PDCD11: variants seen among roughly 807,000 people sequenced by gnomAD.
PDCD11 encodes programmed cell death 11, also known as protein RRP5 homolog.
PDCD11 carries 97 observed loss-of-function variants against 198.9 expected under a neutral mutation model. The ratio of observed to expected loss-of-function variants is 0.49; its 90% CI spans 0.41 to 0.58. PDCD11 has a LOEUF of 0.58. Ranked by LOEUF, PDCD11 falls within the 20% of genes least tolerant of loss-of-function variation. The pLI, the probability that PDCD11 is intolerant of heterozygous loss-of-function variation, is 0.00. For synonymous variants in PDCD11, 893 were observed against 918.0 expected, an observed-to-expected ratio of 0.97 and a Z score of 0.49; for missense variants, 2,102 against 2,312.7, an observed-to-expected ratio of 0.91 and a Z score of 1.87.
At position 103,442,317 on chromosome 10, in the gene PDCD11, C is replaced by G. The variant is rs574049160; in HGVS notation, c.4812C>G (p.Ser1604=). The part of the protein sequence containing the change: ...ALMDPGRQPE[S]ADDFDRLVLS... ...TGGATCCTGGGCGGCAGCCAGAGTC[C>G]GCGGATGATTTTGACCGACTGGTGC... The change falls in exon 32 of 36, where the codon TCC becomes TCG. Residue 1604 remains serine (S), a synonymous_variant. Coordinates refer to ENST00000369797, the MANE Select transcript of PDCD11 (RefSeq NM_014976.2). 6.2e-7 allele frequency: 1 copy of G among 1,614,212 alleles called. No homozygotes were observed. Among genetic ancestry groups the G allele is most frequent in the Non-Finnish European group, 8.5e-7 (1 of 1,180,048 alleles).
At chr10:103,398,337 T>C in intron 1 of PDCD11, 79 bp from the exon 2 acceptor site, 1 of 853,392 alleles carries the variant, frequency 1.2e-6, no homozygotes, top group South Asian at 1.4e-5. Flanking sequence ...GAACGTTCTG[T>C]CTCTTGCCCG....
chr10:103,408,461 G>T (rs1247634415), intron 7 of PDCD11, among the ~76,000 whole-genome samples: 1 of 152,020 alleles, frequency 6.6e-6, no homozygotes, highest in Non-Finnish European at 1.5e-5. Flanking sequence ...GATGAGTGAG[G>T]TACTAAAAAA....
Position 103,400,418 on chromosome 10 carries a change from A to G in PDCD11, c.124A>G (p.Thr42Ala). Residue 42 changes from threonine (T) to alanine (A), a missense_variant, in exon 3 of 36, where the codon ACC (threonine) becomes GCC (alanine). Physicochemically the swap from Thr to Ala is moderately conservative, Grantham distance 58. Transcript: ENST00000369797. ...LFDISTEEGS[T>A]KRKKSQKGPA... The stretch of plus-strand genomic sequence containing the variant: ...CTAGATTTCTACTGAAGAGGGATCC[A>G]CCAAAAGAAAAAAGAGCCAGAAGGG... The G allele has an allele frequency of 1.2e-6, 2 of 1,613,436 alleles. No individual in the cohort carries two copies. Among genetic ancestry groups the G allele is most frequent in the Non-Finnish European group, 1.7e-6 (2 of 1,179,858 alleles).
At position 103,425,574 on chromosome 10, in the gene PDCD11, TG is replaced by T. The variant is rs751694076; in HGVS notation, c.3305+50del. 1.7e-5 allele frequency: 26 copies of T among 1,538,586 alleles called. No homozygotes were observed. The Admixed American group carries it at 3.8e-4, about 22-fold the overall frequency. ...TGGCTTCGAGGGAGATTGTTGTTGT[TG>T]TGGGAGGACTGGGAAAGTAGGTGGG... On this transcript the variant is annotated intron_variant, in intron 20 of 35. Transcript: ENST00000369797.
rs911069198 is a variant in PDCD11 at position 103,440,381 on chromosome 10, C to T, written c.4240C>T (p.Leu1414Phe). The change falls in exon 29 of 36, where the codon CTT (leucine) becomes TTT (phenylalanine). Residue 1414 changes from leucine (L) to phenylalanine (F), a missense_variant. By Grantham distance (22) the Leu-to-Phe change is conservative (BLOSUM62 0). Coordinates refer to ENST00000369797, the MANE Select transcript of PDCD11 (RefSeq NM_014976.2). Reference sequence around the variant, plus strand: ...GCTTTCTGCTTCCTTGGAAGGGCAACTTACAAAGCAAGAGGAGAGGAAAAC... The same window carrying T: ...GCTTTCTGCTTCCTTGGAAGGGCAATTTACAAAGCAAGAGGAGAGGAAAAC... ...DVLSASLEGQ[L>F]TKQEERKTEA... 5.6e-6 allele frequency: 9 copies of T among 1,614,008 alleles called. No homozygotes were observed. The highest frequency in any genetic ancestry group is 6.8e-6 in the Non-Finnish European group (8 of 1,180,054).
intron 22 of PDCD11, 80 bp from the exon 23 acceptor site, chr10:103,433,868 C>T (rs2032037051): frequency 2.7e-6 from 3 of 1,099,440 alleles, no homozygotes; most frequent in Non-Finnish European, 4.2e-6. Flanking sequence ...CCCTTTCCAC[C>T]TTGTGGTTTT....
chr10:103,406,572 A>G, intron 6 of PDCD11, 37 bp from the exon 7 acceptor site: 1 of 1,592,056 alleles, frequency 6.3e-7, no homozygotes, highest in South Asian at 1.1e-5. Flanking sequence ...TCTCATAGAT[A>G]CATTTTTCCT....
At chr10:103,404,011 CAG>C (rs1316317116) in intron 4 of PDCD11, among the ~76,000 whole-genome samples, 5 of 152,102 alleles carry the variant, frequency 3.3e-5, no homozygotes, top group African/African-American at 1.2e-4. Context: ...GTTTTTGAGA[CAG>C]AGTCTCACTC....
rs1251653092 is a variant in PDCD11 at position 103,432,246 on chromosome 10, T to G, written c.3474+12T>G. The G allele has an allele frequency of 6.4e-7, 1 of 1,556,468 alleles. No homozygotes were observed. Among genetic ancestry groups the G allele is most frequent in the East Asian group, 2.2e-5 (1 of 44,576 alleles). ...GCTTCTTAAAGAAAGTAAGTAGTTT[T>G]GCCACTCGGCAATGAGATGTCATTC... On this transcript the variant is annotated intron_variant, in intron 22 of 35. Coordinates refer to ENST00000369797, the MANE Select transcript of PDCD11 (RefSeq NM_014976.2).
intron 13 of PDCD11, 105 bp downstream of exon 13, chr10:103,416,847 G>A (rs1473138222): frequency 5.5e-6 from 7 of 1,270,742 alleles, no homozygotes; most frequent in Non-Finnish European, 7.7e-6. Context: ...CTGAGGAAGA[G>A]AGCACATGGG....
chr10:103,438,852 G>C, intron 27 of PDCD11, 44 bp downstream of exon 27: 1 of 1,610,018 alleles, frequency 6.2e-7, no homozygotes, highest in Non-Finnish European at 8.5e-7. Context: ...TGCCTTCCCT[G>C]AGCCTGTGTT....
At chr10:103,410,936 C>G (rs2030765110) in intron 8 of PDCD11, among the ~76,000 whole-genome samples, 1 of 151,690 alleles carries the variant, frequency 6.6e-6, no homozygotes, top group Non-Finnish European at 1.5e-5. Context: ...TTAGCCAGAC[C>G]TGGTGGTGCG....
chr10:103,444,638 C>G lies in PDCD11; in HGVS notation c.5400C>G (p.Val1800=). The change falls in exon 35 of 36, where the codon GTC becomes GTG. Residue 1800 remains valine (V), a synonymous_variant. Transcript: ENST00000369797. Reference sequence around the variant, plus strand: ...CAAAGCGCACAGATGTCTGGTCGGTCTATATCGACATGACCATCAAGCACG... The same window carrying G: ...CAAAGCGCACAGATGTCTGGTCGGTGTATATCGACATGACCATCAAGCACG... ...TYPKRTDVWS[V]YIDMTIKHGS... 1 of 1,614,160 alleles carries G rather than the reference C, an allele frequency of 6.2e-7. No individual in the cohort carries two copies. Among genetic ancestry groups the G allele is most frequent in the South Asian group, 1.1e-5 (1 of 91,064 alleles).
intron 17 of PDCD11, among the ~76,000 whole-genome samples, chr10:103,422,423 A>G (rs2031490800): frequency 6.6e-6 from 1 of 151,252 alleles, no homozygotes; most frequent in Non-Finnish European, 1.5e-5. Context: ...AAATGTTTAT[A>G]TTACACCCCT....
intron 8 of PDCD11, among the ~76,000 whole-genome samples, chr10:103,410,112 G>A (rs1387824907): frequency 6.6e-6 from 1 of 152,142 alleles, no homozygotes; most frequent in Non-Finnish European, 1.5e-5. Context: ...GCGCATGCCT[G>A]TAGTCCCAGC....
intron 4 of PDCD11, among the ~76,000 whole-genome samples, chr10:103,404,633 A>T (rs1451495797): frequency 6.6e-6 from 1 of 152,218 alleles, no homozygotes; most frequent in Admixed American, 6.5e-5. Context: ...TAAGAGATAG[A>T]CTGCAAAACT....
At chr10:103,401,053 C>T (rs902334061) in intron 3 of PDCD11, among the ~76,000 whole-genome samples, 1 of 152,156 alleles carries the variant, frequency 6.6e-6, no homozygotes, top group African/African-American at 2.4e-5. Context: ...CCCACCGTGC[C>T]TGCCCCCTTT....
intron 21 of PDCD11, among the ~76,000 whole-genome samples, chr10:103,428,893 C>T (rs2031809973): frequency 6.6e-6 from 1 of 152,070 alleles, no homozygotes. Context: ...AGACACACTC[C>T]CAGACAGATG....
At chr10:103,398,294 T>C (rs2133663050) in intron 1 of PDCD11, 122 bp from the exon 2 acceptor site, 1 of 659,592 alleles carries the variant, frequency 1.5e-6, no homozygotes, top group East Asian at 2.7e-5. Context: ...ACCATCTATG[T>C]TGTAGTCCTG....
Sources: allele counts gnomAD v4.1 joint callset (sites outside exome capture counted in the v4.1 genomes callset), GRCh38; gene constraint gnomAD v4.1.1; transcripts MANE v1.5; gene names NCBI Gene and HGNC (gene_info 2026-07-23, HGNC 2026-07-21).